PHKB: variants seen among roughly 807,000 people sequenced by gnomAD.
PHKB encodes phosphorylase b kinase regulatory subunit beta.
A neutral mutation model predicts 152.1 loss-of-function variants in PHKB; 122 were observed. The observed-to-expected ratio is 0.80, with a 90% CI of 0.69 to 0.93. PHKB has a LOEUF of 0.93. Ranked by LOEUF, PHKB falls within the 40% of genes least tolerant of loss-of-function variation. PHKB has a pLI of 0.00. For missense variants in PHKB, 1,304 were observed against 1,328.4 expected, an observed-to-expected ratio of 0.98 and a Z score of 0.29; for synonymous variants, 436 against 464.9, an observed-to-expected ratio of 0.94 and a Z score of 0.80.
intron 1 of PHKB, among the ~76,000 whole-genome samples, chr16:47,491,372 T>C (rs2151638855): frequency 6.6e-6 from 1 of 152,290 alleles, no homozygotes; most frequent in East Asian, 1.9e-4. Context: ...CCTTAAAACA[T>C]TTAGTGAGCC....
rs142352279 is a variant in PHKB, at chr16:47,486,652, C to T, written c.77-10747C>T. On this transcript the variant is annotated intron_variant, in intron 1 of 30. Coordinates refer to ENST00000323584, the MANE Select transcript of PHKB (RefSeq NM_000293.3). ...ACCCCGTCTGCAACCTTTGTGCCCT[C>T]GTCACCCTCCTGTGTGCATGTATGA... is the stretch of plus-strand genomic sequence containing the variant. 1.7e-3 allele frequency among the ~76,000 whole-genome samples: 257 copies of T among 152,248 alleles called. 2 individuals carry two copies. Among genetic ancestry groups the T allele is most frequent in the African/African-American group, 5.6e-3 (231 of 41,546 alleles).
intron 6 of PHKB, 63 bp downstream of exon 6, chr16:47,515,664 T>C (rs1193056117): frequency 5.2e-6 from 4 of 768,692 alleles, no homozygotes; most frequent in South Asian, 2.8e-5. Flanking sequence ...TTTTTTTTTT[T>C]AGTTTTCACA....
intron 6 of PHKB, chr16:47,529,345 A>ATTTTTTTTTTT (rs759050927): frequency 1.5e-5 from 2 of 131,262 alleles, no homozygotes; most frequent in African/African-American, 6.0e-5. Flanking sequence ...TTAAAAAATA[A>ATTTTTTTTTTT]TTTTTTTTTT....
chr16:47,688,998 A>G, intron 26 of PHKB, 43 bp from the exon 27 acceptor site: 1 of 1,609,932 alleles, frequency 6.2e-7, no homozygotes, highest in Non-Finnish European at 8.5e-7. Context: ...AGGTGATTTT[A>G]TTTCAAGAGT....
chr16:47,515,581 AT>A lies in PHKB; in HGVS notation c.576del (p.Ile193SerfsTer49). 1 of 1,437,636 alleles carries A rather than the reference AT, an allele frequency of 7.0e-7. No individual in the cohort carries two copies. Among genetic ancestry groups the A allele is most frequent in the Non-Finnish European group, 9.8e-7 (1 of 1,019,500 alleles). 89.1% of individuals were successfully genotyped at this position (1,437,636 alleles called of 1,614,324 possible). On this transcript the variant is annotated frameshift_variant, in exon 6 of 31. Coordinates refer to ENST00000323584, the MANE Select transcript of PHKB (RefSeq NM_000293.3). LOFTEE classifies it high-confidence loss of function. ...LVEMISSGLQ[I>X]IYNTDEVSFI... Reference sequence around the variant, plus strand: ...GGAAATGATTTCCTCAGGACTCCAGATTATCTACAACACTGATGAGGTATGC... The same window carrying A: ...GGAAATGATTTCCTCAGGACTCCAGATATCTACAACACTGATGAGGTATGC...
intron 27 of PHKB, among the ~76,000 whole-genome samples, chr16:47,692,226 A>G (rs575373962): frequency 1.2e-4 from 18 of 152,314 alleles, no homozygotes; most frequent in South Asian, 8.3e-4. Flanking sequence ...CTGCATAGCT[A>G]TTGTCATACC....
intron 6 of PHKB, among the ~76,000 whole-genome samples, chr16:47,518,749 A>G (rs903846961): frequency 3.3e-5 from 5 of 152,206 alleles, no homozygotes; most frequent in Admixed American, 6.5e-5. Flanking sequence ...ATCTAGAGAG[A>G]AACTCATCAT....
At chr16:47,554,653 C>T (rs1265138991) in intron 7 of PHKB, among the ~76,000 whole-genome samples, 1 of 152,076 alleles carries the variant, frequency 6.6e-6, no homozygotes, top group South Asian at 2.1e-4. Context: ...GGTGTAGGCA[C>T]CTAAGGGAAT....
At chr16:47,504,858 C>T (rs1367388970) in intron 4 of PHKB, among the ~76,000 whole-genome samples, 5 of 152,250 alleles carry the variant, frequency 3.3e-5, no homozygotes, top group Admixed American at 6.5e-5. Flanking sequence ...CCTGAGGGTG[C>T]ACCACTGGCC....
chr16:47,548,248 G>C (rs2541571), intron 7 of PHKB: 2 of 152,214 alleles, frequency 1.3e-5, no homozygotes, highest in African/African-American at 2.4e-5. Context: ...TGCACTAAAA[G>C]ATGTAAGAAT....
At chr16:47,472,682 C>T (rs1969792754) in intron 1 of PHKB, among the ~76,000 whole-genome samples, 1 of 152,056 alleles carries the variant, frequency 6.6e-6, no homozygotes, top group African/African-American at 2.4e-5. Flanking sequence ...ACTCGGGAGG[C>T]CGGGCAGGAG....
chr16:47,681,994 T>G (rs1175780410), intron 26 of PHKB, among the ~76,000 whole-genome samples: 2 of 152,206 alleles, frequency 1.3e-5, no homozygotes, highest in Admixed American at 6.5e-5. Context: ...AGCTTGTCTG[T>G]AAAGTATTTT....
intron 7 of PHKB, among the ~76,000 whole-genome samples, chr16:47,574,882 G>A (rs1008111741): frequency 1.3e-5 from 2 of 152,138 alleles, no homozygotes; most frequent in Admixed American, 1.3e-4. Context: ...CAAAGAAACA[G>A]TTTCATTTCT....
intron 7 of PHKB, chr16:47,565,021 A>G: frequency 2.9e-6 from 1 of 339,412 alleles, no homozygotes. Flanking sequence ...TAGAGGTTTG[A>G]TTTGCTCTCT....
chr16:47,462,028 G>C (rs1000564601), intron 1 of PHKB: 11 of 152,584 alleles, frequency 7.2e-5, no homozygotes, highest in African/African-American at 2.4e-4. Flanking sequence ...CAGGTTGTGT[G>C]GTTTCCAAAC....
At chr16:47,543,011 G>T (rs1032250525) in intron 6 of PHKB, among the ~76,000 whole-genome samples, 15 of 151,982 alleles carry the variant, frequency 9.9e-5, no homozygotes, top group African/African-American at 3.6e-4. Context: ...TTGCCTATTT[G>T]CCCTGGCCCG....
At chr16:47,472,791 A>C (rs538834862) in intron 1 of PHKB, among the ~76,000 whole-genome samples, 44 of 151,632 alleles carry the variant, frequency 2.9e-4, no homozygotes, top group East Asian at 1.6e-3. Flanking sequence ...CAAAAAAAAA[A>C]CAAAAATTAG....
chr16:47,665,984 G>A (rs1239157092), intron 25 of PHKB: 9 of 1,613,972 alleles, frequency 5.6e-6, no homozygotes, highest in Non-Finnish European at 7.6e-6. Context: ...GTAAAGTAGT[G>A]GACAGCCTGG....
rs577498372 is a variant in PHKB at position 47,550,906 on chromosome 16, T to C, written c.710+3358T>C. On this transcript the variant is annotated intron_variant, in intron 7 of 30. Transcript: ENST00000323584. ...CCTCAATTTCAGAACTTGTTATCAG[T>C]CTATTCAGGGATTCGACTTCTTCCT... Among the ~76,000 whole-genome samples the C allele has an allele frequency of 9.8e-5, 15 of 152,324 alleles. No individual in the cohort carries two copies. In the East Asian group the frequency reaches 2.9e-3, roughly 29 times the overall value.
Sources: allele counts gnomAD v4.1 joint callset (sites outside exome capture counted in the v4.1 genomes callset), GRCh38; gene constraint gnomAD v4.1.1; transcripts MANE v1.5; gene names NCBI Gene and HGNC (gene_info 2026-07-23, HGNC 2026-07-21).